The following HIP1 variants were observed in gnomAD, a reference collection of about 807,000 sequenced individuals.
The protein encoded by HIP1 is huntingtin interacting protein 1.
A neutral mutation model predicts 147.6 loss-of-function variants in HIP1; 65 were observed. The ratio of observed to expected loss-of-function variants is 0.44; its 90% CI spans 0.36 to 0.54. The LOEUF (loss-of-function observed/expected upper bound fraction) is 0.54. Ranked by LOEUF, HIP1 falls within the 20% of genes least tolerant of loss-of-function variation. The pLI is 0.00. For missense variants in HIP1, 1,061 were observed against 1,299.6 expected, an observed-to-expected ratio of 0.82 and a Z score of 2.82; for synonymous variants, 479 against 504.0, an observed-to-expected ratio of 0.95 and a Z score of 0.67.
At chr7:75,544,594 C>G (rs948722695) in intron 27 of HIP1, 101 bp downstream of exon 27, 1 of 750,100 alleles carries the variant, frequency 1.3e-6, no homozygotes, top group East Asian at 2.6e-5. Context: ...TACTCTCTAA[C>G]TCAGCCAAGT....
chr7:75,537,760 C>A lies in HIP1; in HGVS notation c.*412G>T. On this transcript the variant is annotated 3_prime_UTR_variant, in exon 31 of 31. Transcript: ENST00000336926. ...TGAGAAGAAAACAGAAAAGAAAAGG[C>A]ATAAGATCTTCCCTTTCCAAGCTGT... is the stretch of plus-strand genomic sequence containing the variant. 3.7e-6 allele frequency: 1 copy of A among 266,682 alleles called. No individual in the cohort carries two copies. The highest frequency in any genetic ancestry group is 7.2e-6 in the Non-Finnish European group (1 of 138,682). The allele number at this position is 266,682 out of a possible 1,614,324, so 16.5% of individuals were successfully genotyped here. A position where few individuals can be genotyped will look rare whatever the true frequency, so the allele number is the denominator to read the frequency against.
intron 1 of HIP1, among the ~76,000 whole-genome samples, chr7:75,661,638 A>T (rs1799319618): frequency 6.6e-6 from 1 of 151,378 alleles, no homozygotes; most frequent in South Asian, 2.1e-4. Context: ...GGGGCCCTGA[A>T]AGAAGGGGGA....
intron 1 of HIP1, among the ~76,000 whole-genome samples, chr7:75,691,977 G>T (rs1554518194): frequency 6.6e-6 from 1 of 151,986 alleles, no homozygotes; most frequent in Non-Finnish European, 1.5e-5. Flanking sequence ...AGAGGTGGGG[G>T]CTGTACAACA....
intron 1 of HIP1, among the ~76,000 whole-genome samples, chr7:75,669,440 A>G (rs1263379763): frequency 2.0e-5 from 3 of 151,970 alleles, no homozygotes; most frequent in African/African-American, 4.8e-5. Flanking sequence ...GTGCGTGCCT[A>G]TAATCTCAGT....
At position 75,539,348 on chromosome 7, in the gene HIP1, A is replaced by G. The variant is rs61737122; in HGVS notation, c.3036T>C (p.Ala1012=). ...GELRKKHYEL[A]GVAEGWEEGT... is the part of the protein sequence containing the mutation. ...CTTCTTCCCAGCCCTCAGCAACACC[A>G]GCAAGCTCGTAGTGCTTTTTCCGAA... The change falls in exon 30 of 31, where the codon GCT becomes GCC. Residue 1012 remains alanine (A), a synonymous_variant. Coordinates refer to ENST00000336926, the MANE Select transcript of HIP1 (RefSeq NM_005338.7). 164 of 1,614,130 alleles carry G rather than the reference A, an allele frequency of 1.0e-4. 2 individuals are homozygous for G. In the Middle Eastern group the frequency reaches 3.6e-3, roughly 36 times the overall value.
intron 1 of HIP1, among the ~76,000 whole-genome samples, chr7:75,651,656 A>C (rs1798992455): frequency 1.3e-5 from 2 of 151,990 alleles, no homozygotes; most frequent in Admixed American, 1.3e-4. Context: ...CCTGGGCGGC[A>C]ACCCTGGCTG....
At chr7:75,728,474 G>A (rs1314014190) in intron 1 of HIP1, among the ~76,000 whole-genome samples, 1 of 152,218 alleles carries the variant, frequency 6.6e-6, no homozygotes, top group Non-Finnish European at 1.5e-5. Flanking sequence ...AGAGCTGGCT[G>A]CCAGCCCACT....
chr7:75,709,826 T>C (rs1554520001), intron 1 of HIP1, among the ~76,000 whole-genome samples: 1 of 152,188 alleles, frequency 6.6e-6, no homozygotes, highest in Non-Finnish European at 1.5e-5. Context: ...GTTGTTAATA[T>C]ATAACTTCTA....
intron 1 of HIP1, among the ~76,000 whole-genome samples, chr7:75,678,190 A>G (rs1193450399): frequency 6.6e-6 from 1 of 152,146 alleles, no homozygotes; most frequent in African/African-American, 2.4e-5. Flanking sequence ...TTAAAAATGA[A>G]GTGGCCCCTA....
chr7:75,540,449 A>G (rs988347193), intron 29 of HIP1, among the ~76,000 whole-genome samples: 23 of 137,556 alleles, frequency 1.7e-4, no homozygotes, highest in African/African-American at 6.0e-4. Flanking sequence ...AAAAAAAAAA[A>G]AGAAGGAAAA....
chr7:75,659,522 G>A (rs781825011), intron 1 of HIP1, among the ~76,000 whole-genome samples: 6 of 152,044 alleles, frequency 3.9e-5, no homozygotes, highest in Non-Finnish European at 7.4e-5. Context: ...GGTGGCGCAC[G>A]CCTGTAATCC....
In HIP1 at chr7:75,554,157, T is replaced by C. The variant is rs782388592; in HGVS notation, c.2114A>G (p.His705Arg). 6.2e-7 allele frequency: 1 copy of C among 1,613,946 alleles called. No individual in the cohort carries two copies. Among genetic ancestry groups the C allele is most frequent in the Non-Finnish European group, 8.5e-7 (1 of 1,179,928 alleles). ...LAHLTSDAIA[H>R]GATTCLRAPP... ...GGCTCTGAGGCAGGTGGTGGCACCA[T>C]GAGCAATGGCGTCGCTGGTCAAGTG... Residue 705 changes from histidine to arginine, a missense_variant, in exon 21 of 31, where the codon CAT (histidine) becomes CGT (arginine). His to Arg is a conservative substitution (Grantham distance 29). Coordinates refer to ENST00000336926, the MANE Select transcript of HIP1 (RefSeq NM_005338.7).
At chr7:75,689,934 T>C (rs1024286800) in intron 1 of HIP1, among the ~76,000 whole-genome samples, 11 of 152,158 alleles carry the variant, frequency 7.2e-5, no homozygotes, top group African/African-American at 2.7e-4. Flanking sequence ...CTGCGAGCCC[T>C]GGCTCCCGGT....
At chr7:75,556,590 GGGGAGGATCACCTGAGCCCA>G in intron 17 of HIP1, 100 bp downstream of exon 17, 1 of 672,396 alleles carries the variant, frequency 1.5e-6, no homozygotes. Context: ...GGGGCTAAGT[GGGGAGGATCACCTGAGCCCA>G]GGGAGGTGGA....
At chr7:75,589,812 A>G (rs1796430441) in intron 4 of HIP1, among the ~76,000 whole-genome samples, 1 of 149,436 alleles carries the variant, frequency 6.7e-6, no homozygotes, top group Non-Finnish European at 1.5e-5. Flanking sequence ...CTCACTGTGA[A>G]CTCCGCCTCC....
At chr7:75,676,477 C>T (rs540418671) in intron 1 of HIP1, among the ~76,000 whole-genome samples, 7 of 152,218 alleles carry the variant, frequency 4.6e-5, no homozygotes, top group African/African-American at 1.4e-4. Flanking sequence ...GATGTCAGAG[C>T]TTATAGAAGC....
At chr7:75,558,297 G>T in intron 14 of HIP1, 42 bp from the exon 15 acceptor site, 1 of 1,487,260 alleles carries the variant, frequency 6.7e-7, no homozygotes. Flanking sequence ...AACCTAGCAG[G>T]GACCCTTGCC....
At chr7:75,561,462 G>A (rs1300858813) in intron 12 of HIP1, 61 bp from the exon 13 acceptor site, 1 of 1,074,472 alleles carries the variant, frequency 9.3e-7, no homozygotes, top group Non-Finnish European at 1.5e-6. Flanking sequence ...GTTTTTAATT[G>A]TGAGCTCAGG....
At chr7:75,627,654 C>T (rs894012441) in intron 1 of HIP1, among the ~76,000 whole-genome samples, 1 of 152,116 alleles carries the variant, frequency 6.6e-6, no homozygotes, top group African/African-American at 2.4e-5. Flanking sequence ...GCATCAAGTC[C>T]ACACCCAGGG....
Sources: gnomAD v4.1 joint callset for allele counts (sites outside exome capture counted in the v4.1 genomes callset) on GRCh38, gnomAD v4.1.1 for gene constraint, MANE v1.5 for transcripts, NCBI Gene and HGNC (gene_info 2026-07-23, HGNC 2026-07-21) for gene names.